Variants in FGF14 observed in about 807,000 individuals in gnomAD.
FGF14 encodes the protein fibroblast growth factor homologous factor 4.
A neutral mutation model predicts 25.5 loss-of-function variants in FGF14; 5 were observed. The observed-to-expected ratio is 0.20, with a 90% confidence interval of 0.10 to 0.41. The LOEUF is 0.41. Among genes scored for constraint, FGF14 ranks in the 10% least tolerant of loss-of-function variants. The pLI is 1.00. For missense variants in FGF14, 222 were observed against 320.1 expected (o/e 0.69, Z 2.34); for synonymous variants, 138 against 118.3 (o/e 1.17, Z -1.08).
chr13:102,086,485 G>A (rs180808190), intron 1 of FGF14, among the ~76,000 whole-genome samples: 11 of 151,994 alleles, frequency 7.2e-5, no homozygotes, highest in Non-Finnish European at 1.5e-4. Context: ...AGCCGAGATC[G>A]AGCCACTGCA....
chr13:102,323,994 TG>T, intron 1 of FGF14, among the ~76,000 whole-genome samples: 1 of 151,540 alleles, frequency 6.6e-6, no homozygotes, highest in African/African-American at 2.4e-5. Context: ...TGTGTGTGTG[TG>T]TGTGTGTGTG....
Position 101,777,265 on chromosome 13 carries a change from C to T in FGF14, c.409-50455G>A, listed in dbSNP as rs80033579. 4.7e-4 allele frequency among the ~76,000 whole-genome samples: 72 copies of T among 152,254 alleles called. No homozygotes were observed. The East Asian group carries it at 0.013, about 27-fold the overall frequency. On this transcript the variant is annotated intron_variant, in intron 3 of 4. Coordinates refer to ENST00000376143, the MANE Select transcript of FGF14 (RefSeq NM_004115.4). ...GTACCATTGTTTTGTAGCCCCTATTCTACCTAGATTTCTCTGGATGGGAGT... is the reference window on the plus strand; with the variant it reads ...GTACCATTGTTTTGTAGCCCCTATTTTACCTAGATTTCTCTGGATGGGAGT...
chr13:102,181,604 C>A (rs754801042), intron 1 of FGF14, among the ~76,000 whole-genome samples: 5 of 152,122 alleles, frequency 3.3e-5, no homozygotes, highest in Non-Finnish European at 7.4e-5. Flanking sequence ...AGCTGCAAAT[C>A]AGAAAATGCT....
intron 1 of FGF14, among the ~76,000 whole-genome samples, chr13:102,189,026 A>AG (rs1566797136): frequency 1.1e-4 from 8 of 69,700 alleles, no homozygotes; most frequent in Non-Finnish European, 2.0e-4. Flanking sequence ...ATGAAAGAAG[A>AG]AAAGAAAGAA....
chr13:102,170,516 G>A (rs1321163583), intron 1 of FGF14, among the ~76,000 whole-genome samples: 2 of 152,080 alleles, frequency 1.3e-5, no homozygotes, highest in African/African-American at 4.8e-5. Flanking sequence ...ATTTCTAAGT[G>A]CATCTCCCAT....
chr13:101,995,767 G>A (rs77534644), intron 1 of FGF14, among the ~76,000 whole-genome samples: 5,232 of 152,192 alleles, frequency 0.034, 272 homozygotes, highest in African/African-American at 0.12. Flanking sequence ...TTTGGGCCTT[G>A]AAATGTGAAA....
rs1291785839 is a variant in FGF14 at position 102,394,450 on chromosome 13, C to T, written c.208+7021G>A. 3 of 152,472 alleles carry T rather than the reference C, an allele frequency of 2.0e-5. No homozygotes were observed. The East Asian group carries it at 5.8e-4, about 30-fold the overall frequency. 9.4% of individuals were successfully genotyped at this position (152,472 alleles called of 1,614,324 possible). ...CGAAGATCTCTGCCAGGGCAGGAGC[C>T]CTAGCCCCGACCCGCGCCCCAAGTC... On this transcript the variant is annotated intron_variant, in intron 1 of 4. Coordinates refer to the FGF14 transcript ENST00000376131.
chr13:102,101,808 G>A (rs898712381), intron 1 of FGF14, among the ~76,000 whole-genome samples: 8 of 152,108 alleles, frequency 5.3e-5, no homozygotes, highest in African/African-American at 1.7e-4. Flanking sequence ...AGGTTCAAGC[G>A]ATTCCCCTGC....
chr13:101,773,329 A>G (rs56052351), intron 3 of FGF14, among the ~76,000 whole-genome samples: 7,478 of 152,232 alleles, frequency 0.049, 226 homozygotes, highest in Middle Eastern at 0.065. Flanking sequence ...TATCTGCCCA[A>G]GGTCACTTAG....
intron 1 of FGF14, among the ~76,000 whole-genome samples, chr13:102,116,849 A>G (rs2045495432): frequency 6.6e-6 from 1 of 152,224 alleles, no homozygotes; most frequent in Admixed American, 6.5e-5. Context: ...ATTTTATTAC[A>G]GTAGGAAAAG....
chr13:101,793,035 C>A (rs1305064236), intron 3 of FGF14, among the ~76,000 whole-genome samples: 1 of 152,096 alleles, frequency 6.6e-6, no homozygotes, highest in African/African-American at 2.4e-5. Flanking sequence ...CAGAATTACT[C>A]TCTTAGTGAT....
chr13:102,311,954 A>C (rs2055790413), intron 1 of FGF14, among the ~76,000 whole-genome samples: 1 of 152,210 alleles, frequency 6.6e-6, no homozygotes, highest in African/African-American at 2.4e-5. Context: ...ACATTTGTTC[A>C]ATTTGGCCCA....
rs551671564 is a variant in FGF14, at chr13:102,384,277, G to A, written c.208+17194C>T. Among the ~76,000 whole-genome samples the A allele has an allele frequency of 5.9e-5, 9 of 152,204 alleles. No individual in the cohort carries two copies. The South Asian group carries it at 1.9e-3, about 32-fold the overall frequency. ...AAAAATGGCTGCAAATCTGTCTCTT[G>A]TATTACACGACAAAGAACTACTAGA... On this transcript the variant is annotated intron_variant, in intron 1 of 4. Coordinates refer to the FGF14 transcript ENST00000376131.
At chr13:102,219,100 T>C (rs2140949215) in intron 1 of FGF14, among the ~76,000 whole-genome samples, 1 of 152,354 alleles carries the variant, frequency 6.6e-6, no homozygotes, top group Non-Finnish European at 1.5e-5. Flanking sequence ...AATTATACTC[T>C]TAGTTATTTT....
At chr13:101,929,406 C>T (rs1023829962) in intron 1 of FGF14, among the ~76,000 whole-genome samples, 3 of 152,076 alleles carry the variant, frequency 2.0e-5, no homozygotes, top group African/African-American at 7.2e-5. Flanking sequence ...TGAAGGTAAG[C>T]GGAAGCAGCC....
intron 1 of FGF14, among the ~76,000 whole-genome samples, chr13:102,044,303 A>G (rs1316376059): frequency 1.3e-5 from 2 of 152,136 alleles, no homozygotes; most frequent in East Asian, 3.9e-4. Flanking sequence ...CCCCTAAAAG[A>G]TAACTGATTC....
At chr13:102,152,818 T>C (rs1690470050) in intron 1 of FGF14, among the ~76,000 whole-genome samples, 1 of 152,250 alleles carries the variant, frequency 6.6e-6, no homozygotes, top group Non-Finnish European at 1.5e-5. Flanking sequence ...ATGTGGAAGA[T>C]GTATTGACAT....
intron 1 of FGF14, among the ~76,000 whole-genome samples, chr13:101,969,643 T>C (rs1456543640): frequency 2.0e-5 from 3 of 152,224 alleles, no homozygotes; most frequent in Non-Finnish European, 4.4e-5. Flanking sequence ...AGACTATTTT[T>C]CACCGTAAAT....
At chr13:102,258,948 T>C (rs1276735672) in intron 1 of FGF14, among the ~76,000 whole-genome samples, 2 of 152,138 alleles carry the variant, frequency 1.3e-5, no homozygotes, top group African/African-American at 4.8e-5. Context: ...CCCAGGAAGT[T>C]AATAGATAGA....
Sources: allele counts gnomAD v4.1 joint callset (sites outside exome capture counted in the v4.1 genomes callset), GRCh38; gene constraint gnomAD v4.1.1; transcripts MANE v1.5; gene names NCBI Gene and HGNC (gene_info 2026-07-23, HGNC 2026-07-21).